The following KIF1A variants were observed in gnomAD, a reference collection of about 807,000 sequenced individuals.
KIF1A encodes the protein kinesin-like protein KIF1A.
KIF1A carries 46 observed loss-of-function variants against 227.3 expected under a neutral mutation model. The observed-to-expected ratio is 0.20, with a 90% CI of 0.16 to 0.26. KIF1A has a LOEUF of 0.26. Among genes scored for constraint, KIF1A ranks in the 10% least tolerant of loss-of-function variants. The pLI, the probability that KIF1A is intolerant of heterozygous loss-of-function variation, is 1.00. For missense variants in KIF1A, 1,683 were observed against 2,485.9 expected (o/e 0.68, Z 6.87); for synonymous variants, 1,022 against 1,012.8 (o/e 1.01, Z -0.17).
intron 23 of KIF1A, among the ~76,000 whole-genome samples, chr2:240,761,965 C>T (rs958643489): frequency 1.3e-5 from 2 of 152,176 alleles, no homozygotes; most frequent in Non-Finnish European, 2.9e-5. Context: ...TCCACTGGGC[C>T]CTTGAGAGAA....
chr2:240,779,849 A>G (rs1192805167), intron 10 of KIF1A, among the ~76,000 whole-genome samples: 2 of 152,034 alleles, frequency 1.3e-5, no homozygotes, highest in African/African-American at 4.8e-5. Flanking sequence ...ACTGCCTCCC[A>G]GTTGTTGTTT....
In KIF1A at chr2:240,747,320, G is replaced by C; in HGVS notation, c.2979C>G (p.Ala993=). ...FLRVAVQAIS[A]DEEAPDYGSG... ...AGCCATAATCAGGGGCCTCTTCATCGGCTGCAGGAGAAACAGAGCAAATGG... is the reference window on the plus strand; with the variant it reads ...AGCCATAATCAGGGGCCTCTTCATCCGCTGCAGGAGAAACAGAGCAAATGG... The change falls in exon 29 of 49, where the codon GCC becomes GCG. Residue 993 remains alanine (A), a splice_region_variant and synonymous_variant. Transcript: ENST00000498729. 6.2e-7 allele frequency: 1 copy of C among 1,612,478 alleles called. No homozygotes were observed. The highest frequency in any genetic ancestry group is 8.5e-7 in the Non-Finnish European group (1 of 1,178,968).
rs374347296 is a variant in KIF1A, at chr2:240,763,360, G to A, written c.1769-14C>T. 8 of 1,559,842 alleles carry A rather than the reference G, an allele frequency of 5.1e-6. No homozygotes were observed. The highest frequency in any genetic ancestry group is 1.2e-5 in the South Asian group (1 of 84,148). On this transcript the variant is annotated splice_polypyrimidine_tract_variant and intron_variant, in intron 20 of 48. Transcript: ENST00000498729. ...TGATGCGGTTTCCTGGGGAACAGAGGGACAGGTGGCCTTGAGGGATGGGGA... is the reference window on the plus strand; with the variant it reads ...TGATGCGGTTTCCTGGGGAACAGAGAGACAGGTGGCCTTGAGGGATGGGGA...
chr2:240,757,340 G>C lies in KIF1A; in HGVS notation c.2837C>G (p.Pro946Arg), dbSNP rs746619903. Residue 946 changes from proline (P) to arginine (R), a missense_variant, in exon 27 of 49, where the codon CCC (proline) becomes CGC (arginine). Pro to Arg is a moderately radical substitution (Grantham distance 103). Around this residue, in one of 12 missense-constraint regions of KIF1A, gnomAD observed 759 missense variants for 1,020.2 expected, o/e 0.74. Coordinates refer to ENST00000498729, the MANE Select transcript of KIF1A (RefSeq NM_001244008.2). The surrounding 1 kb of genome is among the most constrained non-coding windows in gnomAD (Gnocchi z 6.2). Reference sequence around the variant, plus strand: ...CAACCTTCCTACTAAACTGAACAGGGGGGGCCGGTCGTAAAACGGGTCCCG... The same window carrying C: ...CAACCTTCCTACTAAACTGAACAGGCGGGGCCGGTCGTAAAACGGGTCCCG... ...DGRDPFYDRP[P>R]LFSLVGRAFV... The C allele has an allele frequency of 1.9e-5, 30 of 1,550,706 alleles. No homozygotes were observed. In the South Asian group the frequency reaches 3.3e-4, roughly 17 times the overall value.
chr2:240,746,869 T>C (rs1201245485), intron 29 of KIF1A, among the ~76,000 whole-genome samples: 1 of 151,918 alleles, frequency 6.6e-6, no homozygotes, highest in East Asian at 1.9e-4. Flanking sequence ...AAGGGGGCAG[T>C]GGGAACGCGC....
intron 38 of KIF1A, 126 bp from the exon 39 acceptor site, chr2:240,727,066 G>T (rs752487034): frequency 1.0e-5 from 6 of 583,414 alleles, no homozygotes; most frequent in Non-Finnish European, 1.2e-5. Context: ...GGGGGCACAG[G>T]CTGGAAGCCC....
intron 23 of KIF1A, among the ~76,000 whole-genome samples, chr2:240,762,474 CATGT>C (rs2125901068): frequency 6.6e-6 from 1 of 152,360 alleles, no homozygotes; most frequent in Non-Finnish European, 1.5e-5. Context: ...TGAATGTGTG[CATGT>C]GTGTACACAC....
chr2:240,779,073 C>T (rs1256742329), intron 10 of KIF1A, among the ~76,000 whole-genome samples: 3 of 151,658 alleles, frequency 2.0e-5, no homozygotes, highest in Non-Finnish European at 2.9e-5. Flanking sequence ...CTCAGTTCCT[C>T]ACAGTTCCAC....
In KIF1A at chr2:240,789,425, C is replaced by G. The variant is rs1387933140; in HGVS notation, c.107-113G>C. ...TAAGAGGCCTCGGGCCCCAGACAAG[C>G]CAGGCCCCCAAATTGGAGGGGACCT... is the stretch of plus-strand genomic sequence containing the variant. On this transcript the variant is annotated intron_variant, in intron 2 of 48. Coordinates refer to ENST00000498729, the MANE Select transcript of KIF1A (RefSeq NM_001244008.2). The surrounding 1 kb of genome is among the most constrained non-coding windows in gnomAD (Gnocchi z 4.8). The G allele has an allele frequency of 2.4e-6, 2 of 850,462 alleles. No homozygotes were observed. The highest frequency in any genetic ancestry group is 3.9e-6 in the Non-Finnish European group (2 of 514,088). 52.7% of individuals were successfully genotyped at this position (850,462 alleles called of 1,614,324 possible).
At position 240,736,369 on chromosome 2, in the gene KIF1A, G is replaced by A. The variant is rs55732147; in HGVS notation, c.4007+694C>T. Among the ~76,000 whole-genome samples, 22,507 of 152,012 alleles carry A rather than the reference G, an allele frequency of 0.15. 1,814 individuals carry two copies. The highest frequency in any genetic ancestry group is 0.2 in the Middle Eastern group (60 of 294). ...TTTCCCCAAGCCCCTGGAAGGCAGC[G>A]TCTGGGACGCAGTGGAGCCCGCGGG... On this transcript the variant is annotated intron_variant, in intron 38 of 48. Coordinates refer to ENST00000498729, the MANE Select transcript of KIF1A (RefSeq NM_001244008.2). The surrounding 1 kb of genome is among the most constrained non-coding windows in gnomAD (Gnocchi z 4.7).
chr2:240,765,019 T>C (rs532595117), intron 20 of KIF1A, among the ~76,000 whole-genome samples: 6 of 152,180 alleles, frequency 3.9e-5, no homozygotes, highest in Non-Finnish European at 7.3e-5. Context: ...TTCCTTGAAA[T>C]AAATCTCTTT....
intron 5 of KIF1A, 39 bp from the exon 6 acceptor site, chr2:240,786,552 G>A (rs921028539): frequency 1.7e-5 from 27 of 1,595,210 alleles, no homozygotes; most frequent in Admixed American, 5.1e-5. Context: ...CCCCTGAGGC[G>A]AGGGAGTGGG....
intron 28 of KIF1A, among the ~76,000 whole-genome samples, chr2:240,748,132 C>A (rs192991384): frequency 1.9e-3 from 291 of 152,308 alleles, no homozygotes; most frequent in Middle Eastern, 0.017. Flanking sequence ...AGGATAGGAG[C>A]ACTTCCTAGG....
chr2:240,737,768 G>A (rs1040212132), intron 37 of KIF1A, among the ~76,000 whole-genome samples: 3 of 152,206 alleles, frequency 2.0e-5, no homozygotes, highest in African/African-American at 7.2e-5. Context: ...CTGTCTAGTG[G>A]CTTCACCTAG....
Position 240,775,442 on chromosome 2 carries a change from GAGA to G in KIF1A, c.958+406_958+408del, listed in dbSNP as rs957906913. ...AGTCTCACTGCTCAGAACTCAGACGGAGAAGAGGAGGTTTATGGCAGCCCCTCA... is the reference window on the plus strand; with the variant it reads ...AGTCTCACTGCTCAGAACTCAGACGGAGAGGAGGTTTATGGCAGCCCCTCA... On this transcript the variant is annotated intron_variant, in intron 11 of 48. Coordinates refer to ENST00000498729, the MANE Select transcript of KIF1A (RefSeq NM_001244008.2). The surrounding 1 kb of genome is among the most constrained non-coding windows in gnomAD (Gnocchi z 5.5). Among the ~76,000 whole-genome samples the G allele has an allele frequency of 7.9e-5, 12 of 152,208 alleles. No individual in the cohort carries two copies. Among genetic ancestry groups the G allele is most frequent in the African/African-American group, 2.9e-4 (12 of 41,462 alleles).
Position 240,752,294 on chromosome 2 carries a change from G to A in KIF1A, c.2859-1747C>T. 6.6e-6 allele frequency among the ~76,000 whole-genome samples: 1 copy of A among 152,030 alleles called. No individual in the cohort carries two copies. The highest frequency in any genetic ancestry group is 1.9e-4 in the East Asian group (1 of 5,142). On this transcript the variant is annotated intron_variant, in intron 27 of 48. Coordinates refer to ENST00000498729, the MANE Select transcript of KIF1A (RefSeq NM_001244008.2). This position sits in a 1 kb window ranked among gnomAD's most constrained non-coding sequence, Gnocchi z 6.4. ...TCCACTGCCCTGGGCCACCCACCCA[G>A]GTTATGTCCAGAAGCGCCCATGGAA...
rs1327297188 is a variant in KIF1A at position 240,760,759 on chromosome 2, G to C, written c.2350C>G (p.Arg784Gly). 3 of 1,601,340 alleles carry C rather than the reference G, an allele frequency of 1.9e-6. No individual in the cohort carries two copies. The highest frequency in any genetic ancestry group is 2.6e-6 in the Non-Finnish European group (3 of 1,174,432). The change falls in exon 25 of 49, where the codon CGA becomes GGA. Residue 784 changes from arginine to glycine, a missense_variant. Physicochemically the swap from Arg to Gly is moderately radical, Grantham distance 125. This residue lies in a region of KIF1A where 759 missense variants were observed against 1,020.2 expected (regional missense o/e 0.74). Coordinates refer to ENST00000498729, the MANE Select transcript of KIF1A (RefSeq NM_001244008.2). Reference sequence around the variant, plus strand: ...GTGCGGGGGAAGGGCCGCGTCTCTCGGTCTTTGGCGGCCTCTGGGGGCAGC... The same window carrying C: ...GTGCGGGGGAAGGGCCGCGTCTCTCCGTCTTTGGCGGCCTCTGGGGGCAGC... ...DLLPPEAAKDRETRPFPRTIV... is the reference protein window; with the variant it reads ...DLLPPEAAKDGETRPFPRTIV...
intron 10 of KIF1A, among the ~76,000 whole-genome samples, chr2:240,776,966 A>AT: frequency 6.6e-6 from 1 of 152,380 alleles, no homozygotes; most frequent in South Asian, 2.1e-4. Context: ...GCTCAGCAGC[A>AT]TAACTGACTG....
intron 1 of KIF1A, among the ~76,000 whole-genome samples, chr2:240,802,531 G>C (rs527583958): frequency 1.3e-5 from 2 of 152,288 alleles, no homozygotes; most frequent in Admixed American, 6.5e-5. Context: ...CTGTTCATAA[G>C]AGACTCTACA....
Sources: gnomAD v4.1 joint callset for allele counts (sites outside exome capture counted in the v4.1 genomes callset) on GRCh38, gnomAD v4.1.1 for gene constraint, gnomAD v4.1.1 regional missense constraint, Gnocchi (gnomAD v3.1) non-coding constraint, MANE v1.5 for transcripts, NCBI Gene and HGNC (gene_info 2026-07-23, HGNC 2026-07-21) for gene names.